CUL2: variants seen among roughly 807,000 people sequenced by gnomAD.
CUL2 encodes the protein cullin 2, also known as cullin-2.
A neutral mutation model predicts 110.2 loss-of-function variants in CUL2; 22 were observed. The ratio of observed to expected loss-of-function variants is 0.20; its 90% CI spans 0.14 to 0.28. The LOEUF (loss-of-function observed/expected upper bound fraction) is 0.28. CUL2 is among the 10% of genes least tolerant of loss of function. CUL2 has a pLI of 1.00. For synonymous variants in CUL2, 279 were observed against 293.2 expected (o/e 0.95, Z 0.49); for missense variants, 631 against 905.5 (o/e 0.70, Z 3.89).
At chr10:35,021,160 C>A (rs1369690339) in intron 17 of CUL2, among the ~76,000 whole-genome samples, 1 of 151,968 alleles carries the variant, frequency 6.6e-6, no homozygotes, top group Non-Finnish European at 1.5e-5. Context: ...ACATTACAGT[C>A]TCTGCAAGCC....
intron 2 of CUL2, among the ~76,000 whole-genome samples, chr10:35,100,693 C>A (rs1186503203): frequency 1.5e-5 from 2 of 134,596 alleles, no homozygotes. Flanking sequence ...ACCCAGGAGG[C>A]AGAGGTTGCA....
chr10:35,071,481 T>C (rs2086676891), intron 1 of CUL2, 142 bp from the exon 2 acceptor site: 1 of 643,126 alleles, frequency 1.6e-6, no homozygotes, highest in Non-Finnish European at 2.6e-6. Flanking sequence ...CTTGGCTCAC[T>C]GCAAGCTCCG....
At chr10:35,106,534 G>A (rs1172437611) in intron 1 of CUL2, among the ~76,000 whole-genome samples, 1 of 149,620 alleles carries the variant, frequency 6.7e-6, no homozygotes, top group Non-Finnish European at 1.5e-5. Flanking sequence ...AGGTTTCACC[G>A]TGTTAGCCAG....
intron 4 of CUL2, among the ~76,000 whole-genome samples, chr10:35,057,411 C>T (rs936281351): frequency 1.3e-5 from 2 of 152,024 alleles, no homozygotes; most frequent in Admixed American, 1.3e-4. Flanking sequence ...AATCCTGGCA[C>T]TTTGGGAGGC....
intron 1 of CUL2, among the ~76,000 whole-genome samples, chr10:35,103,308 A>ATTTTTT (rs67257350): frequency 1.0e-3 from 98 of 94,570 alleles, no homozygotes; most frequent in East Asian, 2.8e-3. Context: ...GGCCAAGCTA[A>ATTTTTT]TTTTTTTTTT....
At chr10:35,051,120 C>A (rs1485791859) in intron 5 of CUL2, among the ~76,000 whole-genome samples, 1 of 151,450 alleles carries the variant, frequency 6.6e-6, no homozygotes, top group Non-Finnish European at 1.5e-5. Flanking sequence ...TTGAAACCAT[C>A]CTGGCTAACA....
At chr10:35,075,635 A>AACACACACAC (rs34714483) in intron 1 of CUL2, among the ~76,000 whole-genome samples, 245 of 140,986 alleles carry the variant, frequency 1.7e-3, no homozygotes, top group Middle Eastern at 7.2e-3. Context: ...TGGGCCCTAA[A>AACACACACAC]ACACACACAC....
At chr10:35,067,943 T>TA (rs2086575557) in intron 2 of CUL2, among the ~76,000 whole-genome samples, 1 of 150,862 alleles carries the variant, frequency 6.6e-6, no homozygotes, top group Admixed American at 6.6e-5. Flanking sequence ...CTGTCTCTAC[T>TA]AAAAAAATAC....
intron 19 of CUL2, among the ~76,000 whole-genome samples, chr10:35,013,261 C>T (rs1292392266): frequency 3.3e-5 from 5 of 150,286 alleles, no homozygotes; most frequent in Admixed American, 2.7e-4. Flanking sequence ...AGGAGAATGG[C>T]GTGAACCCGG....
intron 17 of CUL2, among the ~76,000 whole-genome samples, chr10:35,024,268 G>A (rs966108134): frequency 6.6e-6 from 1 of 152,138 alleles, no homozygotes; most frequent in Non-Finnish European, 1.5e-5. Context: ...AATGCAAAAT[G>A]TATTACTAAT....
chr10:35,038,206 A>C (rs2085677871), intron 9 of CUL2, among the ~76,000 whole-genome samples: 2 of 150,098 alleles, frequency 1.3e-5, no homozygotes, highest in South Asian at 4.2e-4. Flanking sequence ...CTGCCTATAA[A>C]AGTAATGCAT....
rs201084429 is a variant in CUL2, at chr10:35,060,836, C to T, written c.317+38G>A. ...CCTGTCAACTACTGAATGCAGGCAA[C>T]GCTGCTTAGCTTGTCTAGATTTTAA... On this transcript the variant is annotated intron_variant, in intron 4 of 20. Coordinates refer to ENST00000374749, the MANE Select transcript of CUL2 (RefSeq NM_003591.4). The T allele has an allele frequency of 5.6e-5, 86 of 1,532,440 alleles. No homozygotes were observed. The Admixed American group carries it at 1.0e-3, about 18-fold the overall frequency. 94.9% of individuals were successfully genotyped at this position (1,532,440 alleles called of 1,614,324 possible). A position where few individuals can be genotyped will look rare whatever the true frequency, so the allele number is the denominator to read the frequency against.
chr10:35,058,832 G>A (rs867533866), intron 4 of CUL2, among the ~76,000 whole-genome samples: 1 of 152,136 alleles, frequency 6.6e-6, no homozygotes, highest in East Asian at 1.9e-4. Flanking sequence ...TGTGCCTTGC[G>A]TTTTTCCTGG....
intron 2 of CUL2, among the ~76,000 whole-genome samples, chr10:35,099,263 C>T (rs1053803858): frequency 3.3e-5 from 5 of 152,006 alleles, no homozygotes; most frequent in South Asian, 2.1e-4. Context: ...TGGTGTTACG[C>T]GCCTGTAGTC....
At chr10:35,067,195 G>A (rs2086554502) in intron 2 of CUL2, among the ~76,000 whole-genome samples, 2 of 151,728 alleles carry the variant, frequency 1.3e-5, no homozygotes, top group Non-Finnish European at 2.9e-5. Context: ...TTTAAATGGT[G>A]GGAGGATGAA....
intron 1 of CUL2, chr10:35,074,074 C>CT: frequency 1.0e-6 from 1 of 973,678 alleles, no homozygotes; most frequent in Non-Finnish European, 1.6e-6. Context: ...TTGGTGAATA[C>CT]TTACTCCTTG....
chr10:35,013,111 C>T (rs1161511468), intron 19 of CUL2, among the ~76,000 whole-genome samples: 4 of 152,084 alleles, frequency 2.6e-5, no homozygotes, highest in African/African-American at 7.2e-5. Context: ...CAGGCTGAGG[C>T]GGGCGGATCA....
chr10:35,016,156 G>A, intron 18 of CUL2, 36 bp downstream of exon 18: 1 of 1,543,140 alleles, frequency 6.5e-7, no homozygotes, highest in Non-Finnish European at 8.9e-7. Flanking sequence ...CTTTAATGCT[G>A]ATGATGCTTA....
intron 1 of CUL2, among the ~76,000 whole-genome samples, chr10:35,103,308 ATTTTT>A (rs67257350): frequency 1.1e-5 from 1 of 94,544 alleles, no homozygotes. Flanking sequence ...GGCCAAGCTA[ATTTTT>A]TTTTTTTTTT....
Sources: gnomAD v4.1 joint callset for allele counts (sites outside exome capture counted in the v4.1 genomes callset) on GRCh38, gnomAD v4.1.1 for gene constraint, MANE v1.5 for transcripts, NCBI Gene and HGNC (gene_info 2026-07-23, HGNC 2026-07-21) for gene names.